The following CFAP221 variants were observed in gnomAD, a reference collection of about 807,000 sequenced individuals.
CFAP221 encodes the protein cilia- and flagella-associated protein 221.
A neutral mutation model predicts 113.1 loss-of-function variants in CFAP221; 97 were observed. The ratio of observed to expected loss-of-function variants is 0.86; its 90% CI spans 0.73 to 1.02. The LOEUF is 1.02. Among genes scored for constraint, CFAP221 ranks in the 50% least tolerant of loss-of-function variants. The probability of loss-of-function intolerance (pLI) is 0.00; values close to 1 mark genes in which losing one functional copy is unlikely to be tolerated. For missense variants in CFAP221, 1,025 were observed against 1,013.4 expected (o/e 1.01, Z -0.16); for synonymous variants, 331 against 354.4 (o/e 0.93, Z 0.74).
chr2:119,613,690 G>A lies in CFAP221; in HGVS notation c.1312-1921G>A, dbSNP rs1574135908. Reference sequence around the variant, plus strand: ...CCACAAAACCATTTTTCCCTCCTAGGTCTCCAGACCTGTGATGGGAGGGGC... The same window carrying A: ...CCACAAAACCATTTTTCCCTCCTAGATCTCCAGACCTGTGATGGGAGGGGC... On this transcript the variant is annotated intron_variant, in intron 13 of 23. Coordinates refer to ENST00000413369, the MANE Select transcript of CFAP221 (RefSeq NM_001271049.2). Among the ~76,000 whole-genome samples the A allele has an allele frequency of 3.9e-5, 6 of 152,286 alleles. No homozygotes were observed. The South Asian group carries it at 1.0e-3, about 26-fold the overall frequency.
At chr2:119,638,992 C>T (rs951077142) in intron 20 of CFAP221, among the ~76,000 whole-genome samples, 2 of 152,054 alleles carry the variant, frequency 1.3e-5, no homozygotes, top group Non-Finnish European at 2.9e-5. Flanking sequence ...CACCTACTTG[C>T]CTTTCTGTTT....
chr2:119,621,764 T>G (rs1685940392), intron 14 of CFAP221, among the ~76,000 whole-genome samples: 1 of 152,168 alleles, frequency 6.6e-6, no homozygotes, highest in Admixed American at 6.5e-5. Flanking sequence ...ACATGGAAAC[T>G]GAACAACCTG....
intron 7 of CFAP221, among the ~76,000 whole-genome samples, chr2:119,595,748 G>T (rs1683921246): frequency 6.6e-6 from 1 of 152,270 alleles, no homozygotes; most frequent in East Asian, 1.9e-4. Flanking sequence ...AGCAAAAATG[G>T]TGGTGAGAAA....
chr2:119,586,936 T>A (rs1257059541), intron 6 of CFAP221, 183 bp from the exon 7 acceptor site: 5 of 451,588 alleles, frequency 1.1e-5, no homozygotes, highest in Non-Finnish European at 1.9e-5. Flanking sequence ...CACCACCTCA[T>A]AGGATTAAAA....
intron 1 of CFAP221, chr2:119,544,998 G>A (rs1189550845): frequency 6.6e-6 from 1 of 151,954 alleles, no homozygotes; most frequent in African/African-American, 2.4e-5. Flanking sequence ...GGTGAGGAGG[G>A]GGCCATGCAG....
chr2:119,600,055 A>C (rs898455257), intron 7 of CFAP221, among the ~76,000 whole-genome samples: 7 of 152,182 alleles, frequency 4.6e-5, no homozygotes, highest in African/African-American at 1.7e-4. Flanking sequence ...GGAGGACCAG[A>C]TGCACAAGGG....
chr2:119,570,361 A>G (rs1681956579), intron 6 of CFAP221, among the ~76,000 whole-genome samples: 1 of 152,240 alleles, frequency 6.6e-6, no homozygotes, highest in Non-Finnish European at 1.5e-5. Flanking sequence ...AGACACACTT[A>G]TACTTTCCAA....
chr2:119,620,499 T>C (rs1685830140), intron 14 of CFAP221, among the ~76,000 whole-genome samples: 1 of 152,168 alleles, frequency 6.6e-6, no homozygotes, highest in Admixed American at 6.5e-5. Flanking sequence ...CTAAGCTTCA[T>C]AAGTGAAGGA....
At chr2:119,559,655 G>A in intron 3 of CFAP221, 34 bp from the exon 4 acceptor site, 1 of 1,460,036 alleles carries the variant, frequency 6.8e-7, no homozygotes, top group East Asian at 2.5e-5. Flanking sequence ...ATAAAGCCGT[G>A]TATTTCCTCT....
chr2:119,576,536 G>A (rs1345808998), intron 6 of CFAP221, among the ~76,000 whole-genome samples: 3 of 152,170 alleles, frequency 2.0e-5, no homozygotes, highest in Admixed American at 2.0e-4. Context: ...TAAAATGAGG[G>A]TGGTGTTTAA....
intron 21 of CFAP221, among the ~76,000 whole-genome samples, chr2:119,643,067 A>G (rs1402351895): frequency 6.6e-6 from 1 of 152,146 alleles, no homozygotes; most frequent in Non-Finnish European, 1.5e-5. Flanking sequence ...TTGGGATTAC[A>G]GGTGTGAGCC....
At chr2:119,596,244 G>A (rs560732334) in intron 7 of CFAP221, among the ~76,000 whole-genome samples, 1 of 152,324 alleles carries the variant, frequency 6.6e-6, no homozygotes, top group South Asian at 2.1e-4. Context: ...CCTTGGAGAT[G>A]GTGAGGGACA....
intron 6 of CFAP221, among the ~76,000 whole-genome samples, chr2:119,584,817 T>G (rs1683098318): frequency 6.6e-6 from 1 of 152,192 alleles, no homozygotes. Context: ...TGGTAAGCAA[T>G]AGAAACTCTC....
intron 19 of CFAP221, among the ~76,000 whole-genome samples, chr2:119,634,019 G>C (rs1192367567): frequency 1.3e-5 from 2 of 152,302 alleles, no homozygotes; most frequent in East Asian, 1.9e-4. Context: ...GAGGCAGGAG[G>C]ACCTCTTGAG....
chr2:119,568,617 G>A (rs1272284421), intron 6 of CFAP221, among the ~76,000 whole-genome samples: 1 of 151,990 alleles, frequency 6.6e-6, no homozygotes, highest in Non-Finnish European at 1.5e-5. Flanking sequence ...TGTGTTAGTT[G>A]GCTGAGGATA....
At chr2:119,640,282 C>T (rs1016841516) in intron 21 of CFAP221, among the ~76,000 whole-genome samples, 2 of 151,978 alleles carry the variant, frequency 1.3e-5, no homozygotes, top group African/African-American at 4.8e-5. Context: ...GTATCCAGTT[C>T]CAAAGGATCC....
chr2:119,596,846 C>T (rs1045645188), intron 7 of CFAP221, among the ~76,000 whole-genome samples: 1 of 152,112 alleles, frequency 6.6e-6, no homozygotes, highest in South Asian at 2.1e-4. Context: ...AATGTCCAGG[C>T]CTGTGTTTTA....
chr2:119,599,541 A>G (rs1267865054), intron 7 of CFAP221, among the ~76,000 whole-genome samples: 1 of 152,194 alleles, frequency 6.6e-6, no homozygotes, highest in East Asian at 1.9e-4. Context: ...GATGAAGCTA[A>G]AAGAAAATCT....
intron 16 of CFAP221, among the ~76,000 whole-genome samples, chr2:119,628,450 C>A (rs1686532739): frequency 1.3e-5 from 2 of 152,128 alleles, no homozygotes; most frequent in African/African-American, 4.8e-5. Flanking sequence ...TACTATACAT[C>A]AGGCAGTGTC....
Sources: allele counts gnomAD v4.1 joint callset (sites outside exome capture counted in the v4.1 genomes callset), GRCh38; gene constraint gnomAD v4.1.1; transcripts MANE v1.5; gene names NCBI Gene and HGNC (gene_info 2026-07-23, HGNC 2026-07-21).